Variants in NLRP3 observed in about 807,000 individuals in gnomAD.
The protein encoded by NLRP3 is NACHT, LRR and PYD domains-containing protein 3.
NLRP3 carries 48 observed loss-of-function variants against 91.3 expected under a neutral mutation model. The ratio of observed to expected loss-of-function variants is 0.53; its 90% CI spans 0.42 to 0.67. The LOEUF is 0.67. NLRP3 is among the 30% of genes least tolerant of loss of function. NLRP3 has a pLI of 0.00. For missense variants in NLRP3, 982 were observed against 1,276.9 expected, an observed-to-expected ratio of 0.77 and a Z score of 3.52; for synonymous variants, 561 against 507.9, an observed-to-expected ratio of 1.10 and a Z score of -1.41.
intron 1 of NLRP3, among the ~76,000 whole-genome samples, chr1:247,416,862 A>G (rs1298063570): frequency 1.3e-5 from 2 of 152,116 alleles, no homozygotes; most frequent in African/African-American, 4.8e-5. Context: ...CAGAAATTCC[A>G]ATTTGGAGAG....
chr1:247,416,989 G>A (rs998847705), intron 1 of NLRP3, among the ~76,000 whole-genome samples: 2 of 152,152 alleles, frequency 1.3e-5, no homozygotes, highest in African/African-American at 2.4e-5. Flanking sequence ...TCCAAACAAA[G>A]CCAACTTGTT....
At chr1:247,435,902 G>A in intron 6 of NLRP3, 68 bp from the exon 7 acceptor site, 3 of 1,485,266 alleles carry the variant, frequency 2.0e-6, no homozygotes, top group Non-Finnish European at 1.9e-6. Context: ...GGCAGGTACG[G>A]GTGCTTCCTT....
chr1:247,444,229 T>A, intron 8 of NLRP3, 87 bp downstream of exon 8: 1 of 1,346,880 alleles, frequency 7.4e-7, no homozygotes, highest in Non-Finnish European at 1.1e-6. Flanking sequence ...CAAGATAATC[T>A]GTATCTTAGA....
At position 247,424,982 on chromosome 1, in the gene NLRP3, C is replaced by G; in HGVS notation, c.1533C>G (p.Asp511Glu). 1 of 1,614,170 alleles carries G rather than the reference C, an allele frequency of 6.2e-7. No individual in the cohort carries two copies. The change falls in exon 4 of 10, where the codon GAC (aspartate) becomes GAG (glutamate). Residue 511 changes from aspartate to glutamate, a missense_variant. Physicochemically the swap from Asp to Glu is conservative, Grantham distance 45. Around this residue, in one of 5 missense-constraint regions of NLRP3, gnomAD observed 548 missense variants for 713.7 expected, o/e 0.77. Coordinates refer to ENST00000336119, the MANE Select transcript of NLRP3 (RefSeq NM_001243133.2). The surrounding 1 kb of genome is among the most constrained non-coding windows in gnomAD (Gnocchi z 8.1). ...LRMNLFQKEV[D>E]CEKFYSFIHM... is the part of the protein sequence containing the mutation. The stretch of plus-strand genomic sequence containing the variant: ...TGAACCTGTTCCAAAAGGAAGTGGA[C>G]TGCGAGAAGTTCTACAGCTTCATCC...
chr1:247,441,104 CCT>C (rs1558206913), intron 7 of NLRP3, among the ~76,000 whole-genome samples: 4 of 144,436 alleles, frequency 2.8e-5, no homozygotes, highest in Admixed American at 7.4e-5. Flanking sequence ...TCCTCCTCCT[CCT>C]TTCTTTCTCT....
In NLRP3 at chr1:247,424,282, G is replaced by A; in HGVS notation, c.833G>A (p.Cys278Tyr). The A allele has an allele frequency of 6.2e-7, 1 of 1,614,058 alleles. No homozygotes were observed. Residue 278 changes from cysteine (C) to tyrosine (Y), a missense_variant, in exon 4 of 10, where the codon TGC (cysteine) becomes TAC (tyrosine). This residue lies in a region of NLRP3 where 548 missense variants were observed against 713.7 expected (regional missense o/e 0.77). Transcript: ENST00000336119. The surrounding 1 kb of genome is among the most constrained non-coding windows in gnomAD (Gnocchi z 8.1). ...CTGGGGGACCTGATCATGAGCTGCT[G>A]CCCCGACCCAAACCCACCCATCCAC... ...RSLGDLIMSC[C>Y]PDPNPPIHKI...
At position 247,423,993 on chromosome 1, in the gene NLRP3, G is replaced by A. The variant is rs899514427; in HGVS notation, c.544G>A (p.Glu182Lys). The A allele has an allele frequency of 6.2e-7, 1 of 1,614,040 alleles. No homozygotes were observed. The highest frequency in any genetic ancestry group is 1.1e-5 in the South Asian group (1 of 91,056). Residue 182 changes from glutamate to lysine, a missense_variant, in exon 4 of 10, where the codon GAG (glutamate) becomes AAG (lysine). Glu to Lys is a moderately conservative substitution (Grantham distance 56). Transcript: ENST00000336119. ...GGAGCACCGGAGCCAGCAGGAGAGGGAGCAGGAGCTTCTGGCCATCGGCAA... is the reference window on the plus strand; with the variant it reads ...GGAGCACCGGAGCCAGCAGGAGAGGAAGCAGGAGCTTCTGGCCATCGGCAA... Reference protein sequence around the residue: ...IKEHRSQQEREQELLAIGKTK... With the variant: ...IKEHRSQQERKQELLAIGKTK...
In NLRP3 at chr1:247,424,066, T is replaced by C. The variant is rs1558189998; in HGVS notation, c.617T>C (p.Leu206Pro). The change falls in exon 4 of 10, where the codon CTG (leucine) becomes CCG (proline). Residue 206 changes from leucine (L) to proline (P), a missense_variant. Around this residue, in one of 5 missense-constraint regions of NLRP3, gnomAD observed 548 missense variants for 713.7 expected, o/e 0.77. Coordinates refer to ENST00000336119, the MANE Select transcript of NLRP3 (RefSeq NM_001243133.2). The surrounding 1 kb of genome is among the most constrained non-coding windows in gnomAD (Gnocchi z 8.1). The stretch of plus-strand genomic sequence containing the variant: ...GTGAGTCCCATTAAGATGGAGTTGC[T>C]GTTTGACCCCGATGATGAGCATTCT... The part of the protein sequence containing the change: ...SPVSPIKMEL[L>P]FDPDDEHSEP... 1 of 1,614,062 alleles carries C rather than the reference T, an allele frequency of 6.2e-7. No individual in the cohort carries two copies. The highest frequency in any genetic ancestry group is 8.5e-7 in the Non-Finnish European group (1 of 1,180,036).
intron 2 of NLRP3, among the ~76,000 whole-genome samples, chr1:247,421,261 G>A (rs1051596993): frequency 6.6e-6 from 1 of 152,142 alleles, no homozygotes; most frequent in African/African-American, 2.4e-5. Flanking sequence ...GGAGACACAT[G>A]TTAAGGCAGG....
At chr1:247,422,187 T>C (rs1398336962) in intron 2 of NLRP3, among the ~76,000 whole-genome samples, 1 of 152,022 alleles carries the variant, frequency 6.6e-6, no homozygotes, top group African/African-American at 2.4e-5. Flanking sequence ...GAGACCAGCC[T>C]GGGCAACATA....
At chr1:247,427,760 A>T (rs928498807) in intron 4 of NLRP3, among the ~76,000 whole-genome samples, 1 of 80,776 alleles carries the variant, frequency 1.2e-5, no homozygotes, top group Admixed American at 1.2e-4. Flanking sequence ...ACAGACTCTC[A>T]CTGAAGCCCC....
rs556887619 is a variant in NLRP3, at chr1:247,434,425, C to T, written c.2492+152C>T. The T allele has an allele frequency of 6.9e-5, 54 of 788,088 alleles. 1 individual carries two copies. Among genetic ancestry groups the T allele is most frequent in the East Asian group, 3.1e-4 (12 of 38,178 alleles). The allele number at this position is 788,088 out of a possible 1,614,324, so 48.8% of individuals were successfully genotyped here. A position where few individuals can be genotyped will look rare whatever the true frequency, so the allele number is the denominator to read the frequency against. On this transcript the variant is annotated intron_variant, in intron 6 of 9. Coordinates refer to ENST00000336119, the MANE Select transcript of NLRP3 (RefSeq NM_001243133.2). ...GCTTGTCTTGGGGTGTCTAGCATTGCGGTCAGTGAGTGTTTGTCGTGGGGA... is the reference window on the plus strand; with the variant it reads ...GCTTGTCTTGGGGTGTCTAGCATTGTGGTCAGTGAGTGTTTGTCGTGGGGA...
At chr1:247,443,932 C>G in intron 7 of NLRP3, 40 bp from the exon 8 acceptor site, 4 of 1,605,886 alleles carry the variant, frequency 2.5e-6, no homozygotes, top group East Asian at 2.2e-5. Context: ...TGTTGGGGAA[C>G]AGCTGGGTAC....
At chr1:247,423,717 G>C (rs2103104433) in intron 3 of NLRP3, 130 bp from the exon 4 acceptor site, 2 of 844,338 alleles carry the variant, frequency 2.4e-6, no homozygotes, top group East Asian at 2.6e-5. Flanking sequence ...TTCCTACCCA[G>C]TGGGGAGGAG....
At chr1:247,442,572 G>C (rs530805942) in intron 7 of NLRP3, among the ~76,000 whole-genome samples, 23 of 152,216 alleles carry the variant, frequency 1.5e-4, no homozygotes, top group Non-Finnish European at 2.9e-4. Flanking sequence ...AGAAGGAAGA[G>C]AGAGGTGGAC....
chr1:247,427,132 C>T lies in NLRP3; in HGVS notation c.2150+1533C>T, dbSNP rs569771774. Among the ~76,000 whole-genome samples the T allele has an allele frequency of 3.9e-4, 59 of 152,232 alleles. 2 individuals carry two copies. The Middle Eastern group carries it at 0.027, about 70-fold the overall frequency. ...GTTTGGTGAGGGCCTGTTCCCTGGT[C>T]GATGGTGCCTTCTCACTGTGTCCTT... On this transcript the variant is annotated intron_variant, in intron 4 of 9. Transcript: ENST00000336119.
intron 4 of NLRP3, among the ~76,000 whole-genome samples, chr1:247,426,043 T>C (rs1662854427): frequency 6.6e-6 from 1 of 152,090 alleles, no homozygotes; most frequent in African/African-American, 2.4e-5. Context: ...AAATGTGCAA[T>C]CTAAGCCTCC....
chr1:247,438,445 G>A (rs573426870), intron 7 of NLRP3, among the ~76,000 whole-genome samples: 9 of 141,944 alleles, frequency 6.3e-5, no homozygotes, highest in Non-Finnish European at 1.2e-4. Context: ...ATGCAGTGGC[G>A]CAATCTTGGC....
chr1:247,424,329 AG>A lies in NLRP3; in HGVS notation c.881del (p.Arg294LysfsTer20). The stretch of plus-strand genomic sequence containing the variant: ...CCACAAGATCGTGAGAAAACCCTCC[AG>A]AATCCTCTTCCTCATGGACGGCTTC... ...PIHKIVRKPS[R>X]ILFLMDGFDE... On this transcript the variant is annotated frameshift_variant, in exon 4 of 10. Transcript: ENST00000336119. LOFTEE classifies it high-confidence loss of function. This position sits in a 1 kb window ranked among gnomAD's most constrained non-coding sequence, Gnocchi z 8.1. 6.2e-7 allele frequency: 1 copy of A among 1,613,128 alleles called. No individual in the cohort carries two copies. The highest frequency in any genetic ancestry group is 1.1e-5 in the South Asian group (1 of 91,006).
Sources: allele counts gnomAD v4.1 joint callset (sites outside exome capture counted in the v4.1 genomes callset), GRCh38; gene constraint gnomAD v4.1.1; regional missense constraint gnomAD v4.1.1; non-coding constraint Gnocchi (gnomAD v3.1); transcripts MANE v1.5; gene names NCBI Gene and HGNC (gene_info 2026-07-23, HGNC 2026-07-21).